Variants in OSBPL9 observed in about 807,000 individuals in gnomAD.
OSBPL9 encodes the protein oxysterol-binding protein-related protein 9.
OSBPL9 carries 40 observed loss-of-function variants against 106.6 expected under a neutral mutation model. That is an observed-to-expected ratio of 0.38 (90% CI 0.29 to 0.49). The LOEUF (loss-of-function observed/expected upper bound fraction) is 0.49. Ranked by LOEUF, OSBPL9 falls within the 20% of genes least tolerant of loss-of-function variation. The pLI is 0.97. For synonymous variants in OSBPL9, 269 were observed against 295.4 expected (o/e 0.91, Z 0.92); for missense variants, 609 against 887.2 (o/e 0.69, Z 3.98).
intron 16 of OSBPL9, among the ~76,000 whole-genome samples, 190 bp from the exon 17 acceptor site, chr1:51,782,369 A>G (rs192346218): frequency 6.6e-6 from 1 of 152,284 alleles, no homozygotes; most frequent in East Asian, 1.9e-4. Flanking sequence ...CCTTGCCTTT[A>G]AGAATGTCTT....
At chr1:51,613,925 T>A (rs1268760369), upstream of OSBPL9, among the ~76,000 whole-genome samples, 1 of 151,972 alleles carries the variant, frequency 6.6e-6, no homozygotes, top group Non-Finnish European at 1.5e-5. Context: ...AAATTTTTTG[T>A]AGAGACAGGC....
intron 3 of OSBPL9, among the ~76,000 whole-genome samples, chr1:51,695,785 T>C (rs1209087898): frequency 2.0e-5 from 3 of 152,210 alleles, no homozygotes; most frequent in Admixed American, 6.5e-5. Context: ...CATGTAGTTG[T>C]TGTGAAAATT....
intron 7 of OSBPL9, among the ~76,000 whole-genome samples, chr1:51,749,849 G>T (rs1472935947): frequency 6.7e-6 from 1 of 148,818 alleles, no homozygotes; most frequent in Non-Finnish European, 1.5e-5. Context: ...GCAATCCAGC[G>T]TGATCAGCAT....
intron 4 of OSBPL9, among the ~76,000 whole-genome samples, chr1:51,735,696 C>T (rs1440714148): frequency 6.6e-6 from 1 of 152,212 alleles, no homozygotes; most frequent in African/African-American, 2.4e-5. Context: ...ATAAGAGATG[C>T]TCAGTGAATA....
intron 3 of OSBPL9, among the ~76,000 whole-genome samples, chr1:51,692,121 A>G (rs947750607): frequency 6.6e-6 from 1 of 152,164 alleles, no homozygotes; most frequent in Non-Finnish European, 1.5e-5. Context: ...AGCCTGGGCA[A>G]CATAGCGAGA....
At chr1:51,772,487 G>C (rs1178839775) in intron 13 of OSBPL9, 118 bp from the exon 14 acceptor site, 1 of 876,910 alleles carries the variant, frequency 1.1e-6, no homozygotes, top group Non-Finnish European at 1.9e-6. Context: ...TTGCACTCCA[G>C]CCTGGGCGAA....
At position 51,727,210 on chromosome 1, in the gene OSBPL9, C is replaced by G. The variant is rs540258815; in HGVS notation, c.318+13131C>G. 3.3e-5 allele frequency among the ~76,000 whole-genome samples: 5 copies of G among 150,906 alleles called. No homozygotes were observed. In the East Asian group the frequency reaches 9.7e-4, roughly 29 times the overall value. ...ATGGAATTAAGTCCCTAGGGCTGCC[C>G]AGGCACAACATTAACTGCTATTAAA... On this transcript the variant is annotated intron_variant, in intron 4 of 23. Coordinates refer to ENST00000428468, the MANE Select transcript of OSBPL9 (RefSeq NM_024586.6).
chr1:51,639,816 G>GTTTTTTTT (rs758174157), intron 1 of OSBPL9, among the ~76,000 whole-genome samples: 2 of 67,048 alleles, frequency 3.0e-5, no homozygotes, highest in Non-Finnish European at 5.7e-5. Context: ...ATTCCTAGTT[G>GTTTTTTTT]TTTTTTTTTT....
At chr1:51,712,273 G>A (rs1445310432) in intron 3 of OSBPL9, among the ~76,000 whole-genome samples, 6 of 152,206 alleles carry the variant, frequency 3.9e-5, no homozygotes, top group African/African-American at 1.2e-4. Flanking sequence ...GTGGCGGCGC[G>A]CGCCTGCAAT....
the OSBPL9 span, among the ~76,000 whole-genome samples, chr1:51,530,212 A>G: frequency 1.4e-5 from 2 of 144,764 alleles, no homozygotes; most frequent in East Asian, 3.9e-4. Flanking sequence ...AAAACCTCTA[A>G]GAAGAAAACA....
intron 1 of OSBPL9, among the ~76,000 whole-genome samples, chr1:51,592,317 G>A (rs910380099): frequency 1.3e-4 from 19 of 151,872 alleles, no homozygotes; most frequent in African/African-American, 2.4e-4. Flanking sequence ...GGGTTTCACC[G>A]TGTTAGCCAG....
chr1:51,668,065 G>A (rs907724918), intron 2 of OSBPL9, among the ~76,000 whole-genome samples: 1 of 152,134 alleles, frequency 6.6e-6, no homozygotes, highest in Non-Finnish European at 1.5e-5. Context: ...GTCCCCCTAT[G>A]TAGCCTTTTT....
chr1:51,739,403 AT>A (rs1666399231), intron 4 of OSBPL9, among the ~76,000 whole-genome samples: 1 of 151,980 alleles, frequency 6.6e-6, no homozygotes, highest in African/African-American at 2.4e-5. Flanking sequence ...TACATTGTGC[AT>A]CCATGATGTT....
chr1:51,708,414 A>G lies in OSBPL9; in HGVS notation c.242-5589A>G, dbSNP rs181050208. On this transcript the variant is annotated intron_variant, in intron 3 of 23. Transcript: ENST00000428468. ...ATATTCTGTGTTCTGCTTAAAAAGA[A>G]TATCTGTTTTACATTTGTTGTATTC... Among the ~76,000 whole-genome samples the G allele has an allele frequency of 3.0e-3, 458 of 152,168 alleles. 1 individual carries two copies. The highest frequency in any genetic ancestry group is 0.011 in the African/African-American group (443 of 41,512).
chr1:51,666,188 G>C (rs955224244), intron 2 of OSBPL9, among the ~76,000 whole-genome samples: 3 of 152,170 alleles, frequency 2.0e-5, no homozygotes, highest in Non-Finnish European at 2.9e-5. Flanking sequence ...GTAGTAATGT[G>C]GTCATTGGAG....
chr1:51,539,687 G>T, the OSBPL9 span, among the ~76,000 whole-genome samples: 1 of 152,184 alleles, frequency 6.6e-6, no homozygotes, highest in African/African-American at 2.4e-5. Flanking sequence ...CTAGGGCAGA[G>T]AGAGATTGAG....
At chr1:51,543,887 G>A in the OSBPL9 span, among the ~76,000 whole-genome samples, 1 of 152,204 alleles carries the variant, frequency 6.6e-6, no homozygotes, top group Non-Finnish European at 1.5e-5. Flanking sequence ...CTGACATCAT[G>A]CCCACTCATT....
the OSBPL9 span, among the ~76,000 whole-genome samples, chr1:51,533,145 T>A: frequency 6.6e-6 from 1 of 152,190 alleles, no homozygotes; most frequent in Admixed American, 6.5e-5. Context: ...AAGTGCTCAC[T>A]CTGTGATGGG....
chr1:51,760,596 T>C, intron 9 of OSBPL9, 94 bp from the exon 10 acceptor site: 2 of 1,571,834 alleles, frequency 1.3e-6, no homozygotes, highest in East Asian at 2.3e-5. Flanking sequence ...ATAGCTACCC[T>C]CAGGATTTTG....
Sources: gnomAD v4.1 joint callset for allele counts (sites outside exome capture counted in the v4.1 genomes callset) on GRCh38, gnomAD v4.1.1 for gene constraint, MANE v1.5 for transcripts, NCBI Gene and HGNC (gene_info 2026-07-23, HGNC 2026-07-21) for gene names.